LRRC75A: variants seen among roughly 807,000 people sequenced by gnomAD.
LRRC75A encodes leucine-rich repeat-containing protein 75A.
A neutral mutation model predicts 26.0 loss-of-function variants in LRRC75A; 12 were observed. The observed-to-expected ratio is 0.46, with a 90% CI of 0.30 to 0.75. The LOEUF (loss-of-function observed/expected upper bound fraction) is 0.75. Ranked by LOEUF, LRRC75A falls within the 30% of genes least tolerant of loss-of-function variation. The pLI, the probability that LRRC75A is intolerant of heterozygous loss-of-function variation, is 0.08. For synonymous variants in LRRC75A, 223 were observed against 219.3 expected (o/e 1.02, Z -0.15); for missense variants, 410 against 486.6 (o/e 0.84, Z 1.48).
chr17:16,453,293 C>G (rs564280189), intron 2 of LRRC75A, among the ~76,000 whole-genome samples: 1 of 142,016 alleles, frequency 7.0e-6, no homozygotes, highest in East Asian at 2.0e-4. Flanking sequence ...GTGTGGGACT[C>G]CTAAACACAC....
rs554697386 is a variant in LRRC75A at position 16,451,486 on chromosome 17, C to T, written c.376-3526G>A. On this transcript the variant is annotated intron_variant, in intron 2 of 3. Transcript: ENST00000470794. ...GAATACAAAAATTAGCTGGGCGTGA[C>T]GGCGGGCGCCTGTGATCCCAGCTGC... Among the ~76,000 whole-genome samples the T allele has an allele frequency of 6.6e-5, 10 of 151,886 alleles. No individual in the cohort carries two copies. The East Asian group carries it at 1.4e-3, about 21-fold the overall frequency.
rs920843171 is a variant in LRRC75A, at chr17:16,491,652, C to G, written c.246+93G>C. The G allele has an allele frequency of 1.0e-6, 1 of 966,234 alleles. No individual in the cohort carries two copies. The highest frequency in any genetic ancestry group is 1.3e-6 in the Non-Finnish European group (1 of 752,304). The allele number at this position is 966,234 out of a possible 1,614,324, so 59.9% of individuals were successfully genotyped here. ...GGCCCCTGGGCGGTGCCCCTCGGTGCCCCCGGCTTCCTCGGTTAGGGATGG... is the reference window on the plus strand; with the variant it reads ...GGCCCCTGGGCGGTGCCCCTCGGTGGCCCCGGCTTCCTCGGTTAGGGATGG... On this transcript the variant is annotated intron_variant, in intron 1 of 3. Transcript: ENST00000470794. The surrounding 1 kb of genome is among the most constrained non-coding windows in gnomAD (Gnocchi z 5.9).
At chr17:16,445,654 CTG>C (rs1040149549) in intron 3 of LRRC75A, among the ~76,000 whole-genome samples, 2 of 152,240 alleles carry the variant, frequency 1.3e-5, no homozygotes, top group African/African-American at 4.8e-5. Flanking sequence ...TTGACTCTGA[CTG>C]GGGTCCAGCC....
intron 2 of LRRC75A, among the ~76,000 whole-genome samples, chr17:16,452,968 C>G (rs937578161): frequency 2.6e-5 from 4 of 152,108 alleles, no homozygotes; most frequent in Non-Finnish European, 5.9e-5. Flanking sequence ...CCTGTCCACC[C>G]TCTCAGCCTG....
chr17:16,449,304 C>T (rs1157225222), intron 2 of LRRC75A, among the ~76,000 whole-genome samples: 1 of 152,204 alleles, frequency 6.6e-6, no homozygotes, highest in East Asian at 1.9e-4. Context: ...GAGCAAAGAC[C>T]TGGGGCCAAA....
Position 16,462,841 on chromosome 17 carries a change from G to T in LRRC75A, c.247-455C>A. On this transcript the variant is annotated intron_variant, in intron 1 of 3. Transcript: ENST00000470794. The surrounding 1 kb of genome is among the most constrained non-coding windows in gnomAD (Gnocchi z 4.6). ...TACTGCTCCTTCTGTAGCCGATGCA[G>T]CCTCAGTGTTCCTTTGCCTTGGGGG... is the stretch of plus-strand genomic sequence containing the variant. 5.7e-6 allele frequency: 1 copy of T among 175,582 alleles called. No individual in the cohort carries two copies. Among genetic ancestry groups the T allele is most frequent in the Non-Finnish European group, 1.2e-5 (1 of 82,206 alleles). The allele number at this position is 175,582 out of a possible 1,614,324, so 10.9% of individuals were successfully genotyped here.
intron 1 of LRRC75A, among the ~76,000 whole-genome samples, chr17:16,487,614 T>G (rs1246249010): frequency 6.6e-6 from 1 of 152,194 alleles, no homozygotes; most frequent in Non-Finnish European, 1.5e-5. Flanking sequence ...AGTTTTTGTA[T>G]TTGCATTTGT....
At position 16,468,235 on chromosome 17, in the gene LRRC75A, A is replaced by G. The variant is rs145461268; in HGVS notation, c.247-5849T>C. The stretch of plus-strand genomic sequence containing the variant: ...GGGAATATATACCCCAAAGAACTGA[A>G]AGCAGGCACTCAAACAGCAGCTATG... On this transcript the variant is annotated intron_variant, in intron 1 of 3. Coordinates refer to ENST00000470794, the MANE Select transcript of LRRC75A (RefSeq NM_001113567.3). Among the ~76,000 whole-genome samples the G allele has an allele frequency of 3.8e-3, 583 of 152,348 alleles. 3 individuals carry two copies. Among genetic ancestry groups the G allele is most frequent in the Admixed American group, 6.1e-3 (94 of 15,300 alleles).
At chr17:16,457,156 G>C (rs2093692049) in intron 2 of LRRC75A, among the ~76,000 whole-genome samples, 1 of 152,132 alleles carries the variant, frequency 6.6e-6, no homozygotes. Context: ...AGGCACCTCT[G>C]TAACTGCTCC....
intron 2 of LRRC75A, among the ~76,000 whole-genome samples, chr17:16,457,029 T>C (rs1423597128): frequency 6.6e-6 from 1 of 152,160 alleles, no homozygotes; most frequent in African/African-American, 2.4e-5. Flanking sequence ...TTCTCATTAA[T>C]CTGTCAGGAA....
chr17:16,473,150 T>TGC lies in LRRC75A; in HGVS notation c.247-10766_247-10765dup, dbSNP rs543311297. Among the ~76,000 whole-genome samples, 738 of 151,534 alleles carry TGC rather than the reference T, an allele frequency of 4.9e-3. 4 individuals carry two copies. Among genetic ancestry groups the TGC allele is most frequent in the South Asian group, 0.014 (68 of 4,806 alleles). ...TAGTCTGTGTGTGTGTGTGTGTGTG[T>TGC]GCGCGCGCGCCCCAAGAATAACTAA... is the stretch of plus-strand genomic sequence containing the variant. On this transcript the variant is annotated intron_variant, in intron 1 of 3. Coordinates refer to ENST00000470794, the MANE Select transcript of LRRC75A (RefSeq NM_001113567.3).
At chr17:16,471,962 A>T (rs1310119124) in intron 1 of LRRC75A, among the ~76,000 whole-genome samples, 2 of 152,184 alleles carry the variant, frequency 1.3e-5, no homozygotes, top group African/African-American at 4.8e-5. Flanking sequence ...TTTGAGGAAG[A>T]TGAAAGAGTT....
At chr17:16,488,197 G>C (rs1238124920) in intron 1 of LRRC75A, among the ~76,000 whole-genome samples, 1 of 152,210 alleles carries the variant, frequency 6.6e-6, no homozygotes, top group Non-Finnish European at 1.5e-5. Flanking sequence ...CTGAGCCCAA[G>C]GGGAAGGACA....
At chr17:16,468,741 G>A (rs1459840559) in intron 1 of LRRC75A, among the ~76,000 whole-genome samples, 1 of 152,134 alleles carries the variant, frequency 6.6e-6, no homozygotes, top group African/African-American at 2.4e-5. Context: ...ATTTTAAAAG[G>A]GGCCAGGCCC....
intron 1 of LRRC75A, among the ~76,000 whole-genome samples, chr17:16,477,875 C>G (rs2093824821): frequency 6.6e-6 from 1 of 152,074 alleles, no homozygotes; most frequent in South Asian, 2.1e-4. Flanking sequence ...TACCTGGTTT[C>G]TCAGTGGTCA....
chr17:16,467,468 C>T (rs922130958), intron 1 of LRRC75A, among the ~76,000 whole-genome samples: 8 of 152,156 alleles, frequency 5.3e-5, no homozygotes, highest in Non-Finnish European at 7.3e-5. Context: ...CACACCTTCA[C>T]TCTGTATTCC....
In LRRC75A at chr17:16,462,628, T is replaced by C. The variant is rs1203588089; in HGVS notation, c.247-242A>G. On this transcript the variant is annotated intron_variant, in intron 1 of 3. Coordinates refer to ENST00000470794, the MANE Select transcript of LRRC75A (RefSeq NM_001113567.3). This position sits in a 1 kb window ranked among gnomAD's most constrained non-coding sequence, Gnocchi z 4.6. ...TCTGCAGTTTGTGCAGGTCCTGGCT[T>C]GTGGCCCTCTCCTAGGACAGCCCCT... Among the ~76,000 whole-genome samples, 1 of 152,220 alleles carries C rather than the reference T, an allele frequency of 6.6e-6. No homozygotes were observed. Among genetic ancestry groups the C allele is most frequent in the Non-Finnish European group, 1.5e-5 (1 of 68,042 alleles).
intron 3 of LRRC75A, among the ~76,000 whole-genome samples, chr17:16,447,631 T>C (rs1242458388): frequency 3.3e-5 from 5 of 152,090 alleles, no homozygotes; most frequent in Admixed American, 6.5e-5. Flanking sequence ...CACCAGGAAT[T>C]AGAAATTTCT....
rs914087972 is a variant in LRRC75A, at chr17:16,443,606, TAC to T, written c.1015_1016del (p.Val339SerfsTer10). 32 of 1,529,992 alleles carry T rather than the reference TAC, an allele frequency of 2.1e-5. No homozygotes were observed. The highest frequency in any genetic ancestry group is 3.6e-5 in the South Asian group (3 of 83,446). 94.8% of individuals were successfully genotyped at this position (1,529,992 alleles called of 1,614,324 possible). A position where few individuals can be genotyped will look rare whatever the true frequency, so the allele number is the denominator to read the frequency against. Reference sequence around the variant, plus strand: ...TTCCATGTCACGTCTGAGCTGCAGCTACAGTCTCCTTGCCCTCATGGTGGTCT... The same window carrying T: ...TTCCATGTCACGTCTGAGCTGCAGCTAGTCTCCTTGCCCTCATGGTGGTCT... ...AEDHHEGKET[V>X]AAAQT is the part of the protein sequence containing the mutation. On this transcript the variant is annotated frameshift_variant, in exon 4 of 4. Coordinates refer to ENST00000470794, the MANE Select transcript of LRRC75A (RefSeq NM_001113567.3). LOFTEE classifies it high-confidence loss of function.
Sources: allele counts gnomAD v4.1 joint callset (sites outside exome capture counted in the v4.1 genomes callset), GRCh38; gene constraint gnomAD v4.1.1; non-coding constraint Gnocchi (gnomAD v3.1); transcripts MANE v1.5; gene names NCBI Gene and HGNC (gene_info 2026-07-23, HGNC 2026-07-21).